Variants in NAV2 observed in about 807,000 individuals in gnomAD.
NAV2 encodes the protein helicase, APC down-regulated 1.
NAV2 carries 54 observed loss-of-function variants against 223.2 expected under a neutral mutation model. The ratio of observed to expected loss-of-function variants is 0.24; its 90% CI spans 0.19 to 0.30. The LOEUF (loss-of-function observed/expected upper bound fraction) is 0.30. NAV2 is among the 10% of genes least tolerant of loss of function. The pLI, the probability that NAV2 is intolerant of heterozygous loss-of-function variation, is 1.00. For synonymous variants in NAV2, 1,279 were observed against 1,239.3 expected, an observed-to-expected ratio of 1.03 and a Z score of -0.67; for missense variants, 2,806 against 3,147.5, an observed-to-expected ratio of 0.89 and a Z score of 2.60.
Position 19,933,985 on chromosome 11 carries a change from G to A in NAV2, c.1741G>A (p.Ala581Thr), listed in dbSNP as rs2045618175. Residue 581 changes from alanine (A) to threonine (T), a missense_variant, in exon 7 of 38, where the codon GCG (alanine) becomes ACG (threonine). Ala to Thr is a moderately conservative substitution (Grantham distance 58). Transcript: ENST00000349880. The surrounding 1 kb of genome is among the most constrained non-coding windows in gnomAD (Gnocchi z 4.3). ...GCCCGGGAAATCCCCAAGTGCCCCA[G>A]CGCCTTCCAAGGAAGGGGAGCGGAG... is the stretch of plus-strand genomic sequence containing the variant. ...SMPGKSPSAP[A>T]PSKEGERSRS... 1 of 1,597,924 alleles carries A rather than the reference G, an allele frequency of 6.3e-7. No individual in the cohort carries two copies. Among genetic ancestry groups the A allele is most frequent in the Non-Finnish European group, 8.5e-7 (1 of 1,173,528 alleles).
chr11:19,774,913 T>G (rs1195951658), intron 1 of NAV2, among the ~76,000 whole-genome samples: 1 of 152,226 alleles, frequency 6.6e-6, no homozygotes. Context: ...GCTCATTCAA[T>G]GACTTTCTGC....
chr11:19,669,946 C>T (rs1180230680), intron 1 of NAV2, among the ~76,000 whole-genome samples: 2 of 152,170 alleles, frequency 1.3e-5, no homozygotes, highest in Non-Finnish European at 2.9e-5. Flanking sequence ...TAATCATATG[C>T]CCTGCATACA....
intron 1 of NAV2, chr11:19,714,587 G>A (rs1234455454): frequency 5.0e-6 from 2 of 403,726 alleles, no homozygotes; most frequent in Non-Finnish European, 1.0e-5. Flanking sequence ...GACTCCTAGC[G>A]CCTTGGCTGG....
At chr11:19,651,265 C>T (rs745403036) in intron 1 of NAV2, among the ~76,000 whole-genome samples, 10 of 152,170 alleles carry the variant, frequency 6.6e-5, no homozygotes, top group African/African-American at 1.9e-4. Context: ...CCAGGGAGAA[C>T]GTCTTTTCTC....
chr11:19,386,281 G>A (rs1196992664), intron 1 of NAV2, among the ~76,000 whole-genome samples: 1 of 152,154 alleles, frequency 6.6e-6, no homozygotes, highest in Non-Finnish European at 1.5e-5. Context: ...TAATGAGAGG[G>A]GTTCTGGTTT....
intron 1 of NAV2, among the ~76,000 whole-genome samples, chr11:19,745,817 G>A (rs557069710): frequency 2.6e-5 from 4 of 152,114 alleles, no homozygotes; most frequent in Non-Finnish European, 4.4e-5. Flanking sequence ...AGCTCAGGTG[G>A]TAATGCTCAC....
chr11:19,457,123 A>C lies in NAV2; in HGVS notation c.75+106096A>C, dbSNP rs190388815. Among the ~76,000 whole-genome samples, 686 of 151,646 alleles carry C rather than the reference A, an allele frequency of 4.5e-3. 5 individuals carry two copies. The highest frequency in any genetic ancestry group is 0.016 in the African/African-American group (658 of 40,894). On this transcript the variant is annotated intron_variant, in intron 1 of 37. Transcript: ENST00000360655. ...GATACAGGGATAAGTGAGACAGACA[A>C]CATCTCTACTCTCATAGAGTTTATA...
intron 16 of NAV2, among the ~76,000 whole-genome samples, chr11:20,050,396 T>C (rs1311328023): frequency 3.3e-5 from 5 of 152,146 alleles, no homozygotes; most frequent in Admixed American, 2.6e-4. Flanking sequence ...GTGTTCTGTG[T>C]GCCCATTTCC....
At chr11:19,540,069 G>A (rs890719637) in intron 1 of NAV2, among the ~76,000 whole-genome samples, 10 of 152,160 alleles carry the variant, frequency 6.6e-5, no homozygotes, top group South Asian at 2.1e-4. Flanking sequence ...GGGTAAACAC[G>A]ATTGAATATT....
chr11:19,982,928 A>G (rs989555826), intron 10 of NAV2, among the ~76,000 whole-genome samples: 4 of 152,220 alleles, frequency 2.6e-5, no homozygotes, highest in African/African-American at 9.6e-5. Flanking sequence ...GGCAAGTGCA[A>G]TTAAGCTTTC....
intron 1 of NAV2, among the ~76,000 whole-genome samples, chr11:19,606,016 G>A (rs1485804303): frequency 6.6e-6 from 1 of 152,172 alleles, no homozygotes; most frequent in Non-Finnish European, 1.5e-5. Flanking sequence ...ATTAGTGAGG[G>A]GTCTGCATTC....
chr11:20,032,381 G>T lies in NAV2; in HGVS notation c.2769-3578G>T, dbSNP rs570456806. ...ATGGGAAGAATCCTGTGTATCAAGG[G>T]CCACATGCCCCTCCGGAATATTATG... On this transcript the variant is annotated intron_variant, in intron 11 of 37. Transcript: ENST00000349880. 2.0e-5 allele frequency among the ~76,000 whole-genome samples: 3 copies of T among 152,288 alleles called. No individual in the cohort carries two copies. In the South Asian group the frequency reaches 6.2e-4, roughly 32 times the overall value.
intron 1 of NAV2, among the ~76,000 whole-genome samples, chr11:19,379,562 A>G (rs1848762480): frequency 6.6e-6 from 1 of 152,110 alleles, no homozygotes; most frequent in Admixed American, 6.5e-5. Context: ...GAGAAATGGG[A>G]GGAGAGAAAG....
At chr11:19,740,945 C>T (rs1565235317) in intron 1 of NAV2, among the ~76,000 whole-genome samples, 1 of 152,326 alleles carries the variant, frequency 6.6e-6, no homozygotes, top group East Asian at 1.9e-4. Context: ...CTAACCTCTT[C>T]TTCCTGCTGC....
At chr11:20,072,581 T>C (rs554487321) in intron 22 of NAV2, among the ~76,000 whole-genome samples, 65 of 152,366 alleles carry the variant, frequency 4.3e-4, no homozygotes, top group African/African-American at 1.3e-3. Context: ...GGAATGTTTT[T>C]GCATTTGTTT....
At position 20,058,174 on chromosome 11, in the gene NAV2, G is replaced by T. The variant is rs185094950; in HGVS notation, c.4831+2217G>T. On this transcript the variant is annotated intron_variant, in intron 19 of 37. Coordinates refer to ENST00000349880, the MANE Select transcript of NAV2 (RefSeq NM_145117.5). ...ATTAACTCCCAGTATTGCAGGAGCA[G>T]TTGGAAGAAAATTGACATTTCATGT... Among the ~76,000 whole-genome samples, 6 of 152,330 alleles carry T rather than the reference G, an allele frequency of 3.9e-5. No homozygotes were observed. The East Asian group carries it at 1.2e-3, about 29-fold the overall frequency.
chr11:19,705,451 G>A (rs185939190), intron 1 of NAV2, among the ~76,000 whole-genome samples: 9 of 152,162 alleles, frequency 5.9e-5, no homozygotes, highest in Non-Finnish European at 1.2e-4. Context: ...AATTTGCCTG[G>A]TCATTCTATC....
At chr11:19,467,262 ATTTC>A (rs1405484374) in intron 1 of NAV2, among the ~76,000 whole-genome samples, 1 of 152,184 alleles carries the variant, frequency 6.6e-6, no homozygotes, top group African/African-American at 2.4e-5. Flanking sequence ...AATAAGGCAT[ATTTC>A]TTCTGTGAGT....
chr11:19,448,092 C>G (rs1410731980), intron 1 of NAV2, among the ~76,000 whole-genome samples: 1 of 152,208 alleles, frequency 6.6e-6, no homozygotes, highest in African/African-American at 2.4e-5. Context: ...GGGAGGCAGA[C>G]ATGGAAACAG....
Sources: allele counts gnomAD v4.1 joint callset (sites outside exome capture counted in the v4.1 genomes callset), GRCh38; gene constraint gnomAD v4.1.1; non-coding constraint Gnocchi (gnomAD v3.1); transcripts MANE v1.5; gene names NCBI Gene and HGNC (gene_info 2026-07-23, HGNC 2026-07-21).